The following CNTNAP5 variants were observed in gnomAD, a reference collection of about 807,000 sequenced individuals.
CNTNAP5 encodes contactin associated protein family member 5, also known as contactin-associated protein-like 5.
CNTNAP5 carries 72 observed loss-of-function variants against 150.2 expected under a neutral mutation model. That is an observed-to-expected ratio of 0.48 (90% confidence interval 0.40 to 0.58). The LOEUF is 0.58. Ranked by LOEUF, CNTNAP5 falls within the 20% of genes least tolerant of loss-of-function variation. The pLI is 0.00. For synonymous variants in CNTNAP5, 672 were observed against 619.8 expected (o/e 1.08, Z -1.25); for missense variants, 1,636 against 1,626.2 (o/e 1.01, Z -0.10).
chr2:124,658,504 A>C (rs1338165931), intron 13 of CNTNAP5, among the ~76,000 whole-genome samples: 1 of 152,136 alleles, frequency 6.6e-6, no homozygotes, highest in Non-Finnish European at 1.5e-5. Flanking sequence ...CCAAAAAAAA[A>C]AAAAAGACTT....
At chr2:124,357,926 T>C (rs948007868) in intron 3 of CNTNAP5, among the ~76,000 whole-genome samples, 1 of 151,224 alleles carries the variant, frequency 6.6e-6, no homozygotes, top group African/African-American at 2.4e-5. Context: ...ATATTGATTC[T>C]TCCTACCCAT....
chr2:124,632,574 G>A (rs1303642687), intron 12 of CNTNAP5, among the ~76,000 whole-genome samples: 1 of 151,942 alleles, frequency 6.6e-6, no homozygotes, highest in East Asian at 1.9e-4. Context: ...GGAGGGGAGT[G>A]CATTAGGGGA....
Position 124,777,173 on chromosome 2 carries a change from C to T in CNTNAP5, c.2752+4156C>T, listed in dbSNP as rs1015073086. ...AAAAAAAAAAAAAGATGAAGAACACCTGGGTTTGTCCCTAGCACCAGTGAT... is the reference window on the plus strand; with the variant it reads ...AAAAAAAAAAAAAGATGAAGAACACTTGGGTTTGTCCCTAGCACCAGTGAT... On this transcript the variant is annotated intron_variant, in intron 17 of 23. Coordinates refer to ENST00000682447, the MANE Select transcript of CNTNAP5 (RefSeq NM_001367498.1). 4.0e-5 allele frequency among the ~76,000 whole-genome samples: 6 copies of T among 151,860 alleles called. No individual in the cohort carries two copies. In the East Asian group the frequency reaches 1.2e-3, roughly 29 times the overall value.
intron 3 of CNTNAP5, among the ~76,000 whole-genome samples, chr2:124,408,598 T>C (rs1397211083): frequency 6.6e-6 from 1 of 151,788 alleles, no homozygotes; most frequent in Non-Finnish European, 1.5e-5. Context: ...GCAGCCTAAC[T>C]GGGAGGCACC....
intron 3 of CNTNAP5, among the ~76,000 whole-genome samples, chr2:124,375,709 C>T (rs1690631142): frequency 6.6e-6 from 1 of 151,904 alleles, no homozygotes; most frequent in African/African-American, 2.4e-5. Flanking sequence ...TTCACATTGG[C>T]GAAACTGACC....
At chr2:124,614,969 C>A (rs1677463557) in intron 12 of CNTNAP5, among the ~76,000 whole-genome samples, 1 of 81,222 alleles carries the variant, frequency 1.2e-5, no homozygotes, top group Non-Finnish European at 2.5e-5. Context: ...ATTAATTGTG[C>A]AATAGCATTA....
chr2:124,342,137 T>C (rs780979217), intron 3 of CNTNAP5, among the ~76,000 whole-genome samples: 3 of 152,224 alleles, frequency 2.0e-5, no homozygotes, highest in South Asian at 2.1e-4. Context: ...TCAGTCACTC[T>C]AATTTTTACC....
chr2:124,035,264 C>G lies in CNTNAP5; in HGVS notation c.82+9532C>G, dbSNP rs116075501. Among the ~76,000 whole-genome samples, 982 of 152,204 alleles carry G rather than the reference C, an allele frequency of 6.5e-3. 9 individuals are homozygous for G. The highest frequency in any genetic ancestry group is 0.022 in the African/African-American group (910 of 41,534). On this transcript the variant is annotated intron_variant, in intron 1 of 23. Transcript: ENST00000682447. ...CTCTTGCTCCATGTATGAAGTATCTCTTATTTTTTAAGTCTTTTCCCCCTG... is the reference window on the plus strand; with the variant it reads ...CTCTTGCTCCATGTATGAAGTATCTGTTATTTTTTAAGTCTTTTCCCCCTG...
chr2:124,221,859 G>A lies in CNTNAP5; in HGVS notation c.187+50G>A, dbSNP rs1390026759. On this transcript the variant is annotated intron_variant, in intron 2 of 23. Coordinates refer to ENST00000682447, the MANE Select transcript of CNTNAP5 (RefSeq NM_001367498.1). ...ATGCCAAGCACTAAATAATTACGTG[G>A]TGGGTAGGTGAAGGAGAGTGAGCAC... 2.5e-6 allele frequency: 3 copies of A among 1,216,770 alleles called. No homozygotes were observed. In the African/African-American group the frequency reaches 4.5e-5, roughly 18 times the overall value. The allele number at this position is 1,216,770 out of a possible 1,614,324, so 75.4% of individuals were successfully genotyped here.
chr2:124,440,210 C>T (rs758304076), intron 5 of CNTNAP5, among the ~76,000 whole-genome samples: 6 of 152,048 alleles, frequency 3.9e-5, no homozygotes, highest in African/African-American at 7.2e-5. Flanking sequence ...AAGTGAATAT[C>T]GGTGTTGATA....
At chr2:124,875,388 G>A (rs529650374) in intron 21 of CNTNAP5, among the ~76,000 whole-genome samples, 1 of 152,040 alleles carries the variant, frequency 6.6e-6, no homozygotes, top group African/African-American at 2.4e-5. Context: ...GGGAGTCAAT[G>A]CTAAACCAGG....
At chr2:124,873,399 T>C (rs1344387654) in intron 21 of CNTNAP5, among the ~76,000 whole-genome samples, 1 of 152,080 alleles carries the variant, frequency 6.6e-6, no homozygotes, top group African/African-American at 2.4e-5. Flanking sequence ...AGGACACAGA[T>C]ACAAACCATA....
At chr2:124,269,414 C>A (rs535148127) in intron 3 of CNTNAP5, among the ~76,000 whole-genome samples, 2 of 152,168 alleles carry the variant, frequency 1.3e-5, no homozygotes, top group African/African-American at 2.4e-5. Flanking sequence ...GCCTTAGGAG[C>A]ACCCCAGGAC....
At chr2:124,199,559 G>T (rs1337529051) in intron 1 of CNTNAP5, among the ~76,000 whole-genome samples, 1 of 151,842 alleles carries the variant, frequency 6.6e-6, no homozygotes. Flanking sequence ...GGGATTACAG[G>T]CATGTGCCAC....
chr2:124,209,744 C>T (rs1333184410), intron 1 of CNTNAP5, among the ~76,000 whole-genome samples: 1 of 152,136 alleles, frequency 6.6e-6, no homozygotes, highest in East Asian at 1.9e-4. Flanking sequence ...GCTACAACAT[C>T]TTCAAAATAA....
At chr2:124,746,673 C>T (rs1232183708) in intron 13 of CNTNAP5, among the ~76,000 whole-genome samples, 2 of 152,208 alleles carry the variant, frequency 1.3e-5, no homozygotes, top group Admixed American at 1.3e-4. Context: ...GAGTCTTTAA[C>T]TTCCTCATTG....
chr2:124,107,028 T>C (rs945945947), intron 1 of CNTNAP5, among the ~76,000 whole-genome samples: 1 of 151,394 alleles, frequency 6.6e-6, no homozygotes, highest in African/African-American at 2.4e-5. Flanking sequence ...GAAGCACCAG[T>C]GTGGTGGACA....
At position 124,414,431 on chromosome 2, in the gene CNTNAP5, C is replaced by T. The variant is rs139476479; in HGVS notation, c.382-3012C>T. Among the ~76,000 whole-genome samples the T allele has an allele frequency of 3.3e-5, 5 of 152,214 alleles. No individual in the cohort carries two copies. The East Asian group carries it at 7.7e-4, about 24-fold the overall frequency. ...CCCTGGGACCATGCATTGAAAACTT[C>T]CAGATCTCAGAACTGTGAGACCTTG... On this transcript the variant is annotated intron_variant, in intron 3 of 23. Coordinates refer to ENST00000682447, the MANE Select transcript of CNTNAP5 (RefSeq NM_001367498.1).
At chr2:124,723,099 T>C (rs1680080225) in intron 13 of CNTNAP5, among the ~76,000 whole-genome samples, 1 of 152,214 alleles carries the variant, frequency 6.6e-6, no homozygotes, top group South Asian at 2.1e-4. Flanking sequence ...GACAGGCTGA[T>C]ACTTTTACAA....
Sources: gnomAD v4.1 joint callset for allele counts (sites outside exome capture counted in the v4.1 genomes callset) on GRCh38, gnomAD v4.1.1 for gene constraint, MANE v1.5 for transcripts, NCBI Gene and HGNC (gene_info 2026-07-23, HGNC 2026-07-21) for gene names.